The following EPN2 variants were observed in gnomAD, a reference collection of about 807,000 sequenced individuals.
The protein encoded by EPN2 is epsin 2.
Under a neutral mutation model 61.7 loss-of-function variants are expected in EPN2, and 34 were observed. That is an observed-to-expected ratio of 0.55 (90% confidence interval 0.42 to 0.73). The LOEUF is 0.73. Among genes scored for constraint, EPN2 ranks in the 30% least tolerant of loss-of-function variants. The pLI is 0.00. For missense variants in EPN2, 714 were observed against 839.2 expected (o/e 0.85, Z 1.84); for synonymous variants, 349 against 353.6 (o/e 0.99, Z 0.15).
intron 4 of EPN2, among the ~76,000 whole-genome samples, chr17:19,295,373 T>TACAC (rs1567858285): frequency 2.1e-5 from 3 of 144,326 alleles, no homozygotes; most frequent in East Asian, 2.0e-4. Flanking sequence ...CACACGCGCG[T>TACAC]GCGCGCAAAA....
At chr17:19,239,067 A>G (rs181654575) in intron 1 of EPN2, among the ~76,000 whole-genome samples, 8 of 152,312 alleles carry the variant, frequency 5.3e-5, no homozygotes, top group Non-Finnish European at 7.3e-5. Flanking sequence ...AGGGACTACA[A>G]TTTGCTTCTG....
intron 4 of EPN2, among the ~76,000 whole-genome samples, chr17:19,308,798 A>G (rs923352260): frequency 6.6e-6 from 1 of 152,132 alleles, no homozygotes; most frequent in Non-Finnish European, 1.5e-5. Context: ...ATAATTTCTA[A>G]AAGCATTTAG....
intron 4 of EPN2, among the ~76,000 whole-genome samples, chr17:19,293,534 CTTTTTTTTTTTTTT>C (rs71155390): frequency 7.6e-5 from 4 of 52,432 alleles, no homozygotes; most frequent in Non-Finnish European, 1.0e-4. Context: ...CCATACCCAG[CTTTTTTTTTTTTTT>C]TTTTTTTTTT....
At chr17:19,274,722 T>A (rs1456004390) in intron 1 of EPN2, among the ~76,000 whole-genome samples, 1 of 152,190 alleles carries the variant, frequency 6.6e-6, no homozygotes, top group Non-Finnish European at 1.5e-5. Flanking sequence ...CCACCTGCAC[T>A]GCTTGGAACT....
chr17:19,330,746 G>A (rs1457765634), intron 9 of EPN2: 2 of 152,334 alleles, frequency 1.3e-5, no homozygotes, highest in Non-Finnish European at 2.9e-5. Flanking sequence ...TGCAATCCCA[G>A]CACTTTGAGA....
At chr17:19,291,262 G>A (rs1425028664) in intron 4 of EPN2, among the ~76,000 whole-genome samples, 13 of 152,206 alleles carry the variant, frequency 8.5e-5, no homozygotes, top group African/African-American at 2.4e-4. Context: ...TCATGGAGCA[G>A]TGGCCGTGAT....
At chr17:19,289,829 G>A (rs2045445588) in intron 4 of EPN2, among the ~76,000 whole-genome samples, 1 of 142,036 alleles carries the variant, frequency 7.0e-6, no homozygotes, top group South Asian at 2.3e-4. Flanking sequence ...CTGGCTTCAA[G>A]CTATTCTTCC....
intron 4 of EPN2, among the ~76,000 whole-genome samples, chr17:19,286,221 A>T (rs535711756): frequency 8.7e-4 from 132 of 152,350 alleles, no homozygotes; most frequent in Admixed American, 2.3e-3. Flanking sequence ...AGTGATGGTC[A>T]TTGGAAGCCA....
In EPN2 at chr17:19,336,635, A is replaced by T. The variant is rs2152244080; in HGVS notation, c.*2381A>T. 6.5e-6 allele frequency: 1 copy of T among 152,724 alleles called. No homozygotes were observed. Among genetic ancestry groups the T allele is most frequent in the East Asian group, 1.9e-4 (1 of 5,178 alleles). 9.5% of individuals were successfully genotyped at this position (152,724 alleles called of 1,614,324 possible). ...TCACCCAGCTGTTTCTCAGTCCCAG[A>T]GGCCGGTGGCTGGTTTTGAACTTGT... On this transcript the variant is annotated 3_prime_UTR_variant, in exon 11 of 11. Transcript: ENST00000314728.
intron 7 of EPN2, among the ~76,000 whole-genome samples, chr17:19,317,450 T>G (rs539674969): frequency 6.6e-6 from 1 of 152,292 alleles, no homozygotes; most frequent in African/African-American, 2.4e-5. Context: ...CAGCAGCAGG[T>G]GGTGCTACTG....
chr17:19,246,731 T>TTTTG (rs2044954995), intron 1 of EPN2, among the ~76,000 whole-genome samples: 1 of 150,050 alleles, frequency 6.7e-6, no homozygotes, highest in South Asian at 2.3e-4. Flanking sequence ...GTTTTGTTTT[T>TTTTG]TTTTTCCCCC....
chr17:19,313,026 T>G, intron 6 of EPN2, 79 bp from the exon 7 acceptor site: 27 of 1,451,354 alleles, frequency 1.9e-5, no homozygotes, highest in Non-Finnish European at 2.5e-5. Context: ...CACAGGTGGG[T>G]GATATTTATG....
At position 19,315,351 on chromosome 17, in the gene EPN2, G is replaced by A. The variant is rs545551042; in HGVS notation, c.1147+2072G>A. ...GAGACTCGGTACAGGAGTCCAGGGG[G>A]TGTGAGCGGAGGAGTCTCCCCTGAT... On this transcript the variant is annotated intron_variant, in intron 7 of 10. Transcript: ENST00000314728. 2.6e-4 allele frequency among the ~76,000 whole-genome samples: 40 copies of A among 152,306 alleles called. 1 individual carries two copies. In the East Asian group the frequency reaches 5.8e-3, roughly 22 times the overall value.
rs1026874257 is a variant in EPN2, at chr17:19,282,049, A to G, written c.-199A>G. On this transcript the variant is annotated 5_prime_UTR_variant, in exon 2 of 11. It adds an upstream start codon to the 5' untranslated region. Coordinates refer to ENST00000314728, the MANE Select transcript of EPN2 (RefSeq NM_014964.5). ...CCAAACTTGTGGACAGGAGCCTCAT[A>G]TCAGAGACGTGGACCTCACTGTAGC... is the stretch of plus-strand genomic sequence containing the variant. 2 of 152,228 alleles carry G rather than the reference A, an allele frequency of 1.3e-5. No homozygotes were observed. The highest frequency in any genetic ancestry group is 4.8e-5 in the African/African-American group (2 of 41,460). The allele number at this position is 152,228 out of a possible 1,614,324, so 9.4% of individuals were successfully genotyped here.
chr17:19,280,839 C>T (rs752094837), intron 1 of EPN2, among the ~76,000 whole-genome samples: 1 of 152,182 alleles, frequency 6.6e-6, no homozygotes, highest in South Asian at 2.1e-4. Flanking sequence ...CTCAGTCCCA[C>T]AAGAACACTC....
chr17:19,263,934 A>G (rs970568896), intron 1 of EPN2, among the ~76,000 whole-genome samples: 1 of 152,212 alleles, frequency 6.6e-6, no homozygotes, highest in Non-Finnish European at 1.5e-5. Flanking sequence ...AGGGGCATGG[A>G]TGTAGCCAGT....
rs1907372189 is a variant in EPN2, at chr17:19,335,529, G to A, written c.*1275G>A. ...CGCTCAGGCTAAAGATGGGGATAAT[G>A]TGGAAATGGCAGTTGTCCCGAGGGC... On this transcript the variant is annotated 3_prime_UTR_variant, in exon 11 of 11. Coordinates refer to ENST00000314728, the MANE Select transcript of EPN2 (RefSeq NM_014964.5). 2.6e-6 allele frequency: 4 copies of A among 1,510,100 alleles called. No homozygotes were observed. The South Asian group carries it at 4.9e-5, about 19-fold the overall frequency. 93.5% of individuals were successfully genotyped at this position (1,510,100 alleles called of 1,614,324 possible). A position where few individuals can be genotyped will look rare whatever the true frequency, so the allele number is the denominator to read the frequency against.
chr17:19,245,723 C>T (rs927667407), intron 1 of EPN2, among the ~76,000 whole-genome samples: 5 of 150,770 alleles, frequency 3.3e-5, no homozygotes, highest in South Asian at 2.1e-4. Flanking sequence ...AGTGCAATGG[C>T]GCGATCTCGG....
intron 4 of EPN2, chr17:19,308,615 G>C (rs530327215): frequency 1.0e-6 from 1 of 985,402 alleles, no homozygotes; most frequent in East Asian, 1.1e-4. Context: ...GAGGAGGTGG[G>C]TGCGCTGAGG....
Sources: gnomAD v4.1 joint callset for allele counts (sites outside exome capture counted in the v4.1 genomes callset) on GRCh38, gnomAD v4.1.1 for gene constraint, MANE v1.5 for transcripts, NCBI Gene and HGNC (gene_info 2026-07-23, HGNC 2026-07-21) for gene names.